Variants in ST3GAL2 observed in about 807,000 individuals in gnomAD.
ST3GAL2 encodes ST3 beta-galactoside alpha-2,3-sialyltransferase 2, also known as CMP-N-acetylneuraminate-beta-galactosamide-alpha-2,3-sialyltransferase 2.
A neutral mutation model predicts 37.5 loss-of-function variants in ST3GAL2; 16 were observed. The observed-to-expected ratio is 0.43, with a 90% confidence interval of 0.29 to 0.65. The LOEUF (loss-of-function observed/expected upper bound fraction) is 0.65. Ranked by LOEUF, ST3GAL2 falls within the 30% of genes least tolerant of loss-of-function variation. ST3GAL2 has a pLI of 0.17. For missense variants in ST3GAL2, 383 were observed against 487.8 expected (o/e 0.79, Z 2.02); for synonymous variants, 238 against 202.9 (o/e 1.17, Z -1.47).
At chr16:70,421,835 G>A (rs756546008) in intron 1 of ST3GAL2, among the ~76,000 whole-genome samples, 2 of 143,978 alleles carry the variant, frequency 1.4e-5, no homozygotes, top group South Asian at 2.1e-4. Context: ...ACCTGACTTC[G>A]CTTTCAGAGT....
At chr16:70,385,081 A>G (rs1450449340) in intron 4 of ST3GAL2, among the ~76,000 whole-genome samples, 1 of 152,088 alleles carries the variant, frequency 6.6e-6, no homozygotes, top group African/African-American at 2.4e-5. Flanking sequence ...TGAGGCGGGC[A>G]GATCACAAGG....
chr16:70,438,838 A>ACGGGCCGGTCTGGGC (rs1266637754), intron 1 of ST3GAL2, 111 bp downstream of exon 1: 1 of 152,060 alleles, frequency 6.6e-6, no homozygotes, highest in Non-Finnish European at 1.5e-5. Context: ...CCGGGCTGGA[A>ACGGGCCGGTCTGGGC]CGGGCCGGTC....
At chr16:70,412,977 G>T (rs988342256) in intron 1 of ST3GAL2, among the ~76,000 whole-genome samples, 1 of 152,204 alleles carries the variant, frequency 6.6e-6, no homozygotes, top group Admixed American at 6.5e-5. Context: ...GGCTGGGCAC[G>T]GTGGCACACA....
At chr16:70,385,765 G>C (rs1357672662) in intron 4 of ST3GAL2, among the ~76,000 whole-genome samples, 1 of 145,328 alleles carries the variant, frequency 6.9e-6, no homozygotes, top group African/African-American at 2.6e-5. Context: ...GTGCAGTGGC[G>C]CGATCTGAGC....
At chr16:70,394,858 G>T in intron 3 of ST3GAL2, 124 bp downstream of exon 3, 1 of 1,090,216 alleles carries the variant, frequency 9.2e-7, no homozygotes, top group Non-Finnish European at 1.3e-6. Flanking sequence ...AAAGACTCTG[G>T]GAGGCAGGGC....
At chr16:70,414,949 C>T (rs1424234394) in intron 1 of ST3GAL2, among the ~76,000 whole-genome samples, 5 of 152,152 alleles carry the variant, frequency 3.3e-5, no homozygotes, top group African/African-American at 1.2e-4. Flanking sequence ...TCTCGGCTCA[C>T]TGCAAGCTCC....
intron 1 of ST3GAL2, chr16:70,399,921 C>T (rs1029389579): frequency 1.3e-5 from 2 of 152,874 alleles, no homozygotes; most frequent in Admixed American, 1.3e-4. Context: ...ACAGCACTCT[C>T]TGGAGCCTGT....
chr16:70,432,162 T>TA (rs1358324184), intron 1 of ST3GAL2, among the ~76,000 whole-genome samples: 7 of 152,112 alleles, frequency 4.6e-5, no homozygotes, highest in Admixed American at 1.3e-4. Flanking sequence ...GCATGATTGG[T>TA]AAAATTTTTA....
Position 70,379,546 on chromosome 16 carries a change from A to C in ST3GAL2, c.*2143T>G, listed in dbSNP as rs937067993. 6 of 152,176 alleles carry C rather than the reference A, an allele frequency of 3.9e-5. No homozygotes were observed. Among genetic ancestry groups the C allele is most frequent in the African/African-American group, 1.4e-4 (6 of 41,412 alleles). The allele number at this position is 152,176 out of a possible 1,614,324, so 9.4% of individuals were successfully genotyped here. A position where few individuals can be genotyped will look rare whatever the true frequency, so the allele number is the denominator to read the frequency against. ...CCTTTTAATTCAGAAAGGGAAGGAA[A>C]TAAAAAAGTGTGTTTAAATTACTAT... is the stretch of plus-strand genomic sequence containing the variant. On this transcript the variant is annotated 3_prime_UTR_variant, in exon 7 of 7. Transcript: ENST00000342907.
At position 70,376,702 on chromosome 16, in the gene ST3GAL2, T is replaced by C. The variant is rs1472392569; in HGVS notation, c.*4987A>G. The C allele has an allele frequency of 6.6e-6, 1 of 152,138 alleles. No individual in the cohort carries two copies. Among genetic ancestry groups the C allele is most frequent in the Non-Finnish European group, 1.5e-5 (1 of 68,028 alleles). 9.4% of individuals were successfully genotyped at this position (152,138 alleles called of 1,614,324 possible). On this transcript the variant is annotated 3_prime_UTR_variant, in exon 7 of 7. Coordinates refer to ENST00000342907, the MANE Select transcript of ST3GAL2 (RefSeq NM_006927.4). ...TGATGCCTCTGACCTTGCCAGACAGTCACAGAAGGTACTTCCTTGTCTGCT... is the reference window on the plus strand; with the variant it reads ...TGATGCCTCTGACCTTGCCAGACAGCCACAGAAGGTACTTCCTTGTCTGCT...
Position 70,398,877 on chromosome 16 carries a change from T to G in ST3GAL2, c.-347A>C, listed in dbSNP as rs1352867307. On this transcript the variant is annotated 5_prime_UTR_variant, in exon 2 of 7. Coordinates refer to ENST00000342907, the MANE Select transcript of ST3GAL2 (RefSeq NM_006927.4). ...CCTCTAGTCCCTTGGGATTGCTGGCTGCCAGCTCTAGGGGTCCCCCTCTTT... is the reference window on the plus strand; with the variant it reads ...CCTCTAGTCCCTTGGGATTGCTGGCGGCCAGCTCTAGGGGTCCCCCTCTTT... The G allele has an allele frequency of 4.2e-6, 2 of 472,950 alleles. No homozygotes were observed. Among genetic ancestry groups the G allele is most frequent in the Non-Finnish European group, 7.4e-6 (2 of 269,968 alleles). The allele number at this position is 472,950 out of a possible 1,614,324, so 29.3% of individuals were successfully genotyped here. A position where few individuals can be genotyped will look rare whatever the true frequency, so the allele number is the denominator to read the frequency against.
intron 1 of ST3GAL2, among the ~76,000 whole-genome samples, chr16:70,406,960 G>A (rs569739545): frequency 6.6e-6 from 1 of 152,314 alleles, no homozygotes; most frequent in South Asian, 2.1e-4. Context: ...ATGGCATCGA[G>A]TGTCGTCCTG....
chr16:70,388,319 A>G (rs748758104), intron 4 of ST3GAL2, 48 bp downstream of exon 4: 1 of 1,611,874 alleles, frequency 6.2e-7, no homozygotes, highest in South Asian at 1.1e-5. Context: ...GACTCTGCCC[A>G]AGATGGTCCT....
At chr16:70,392,258 C>CT (rs1188885645) in intron 3 of ST3GAL2, among the ~76,000 whole-genome samples, 1 of 152,206 alleles carries the variant, frequency 6.6e-6, no homozygotes, top group African/African-American at 2.4e-5. Context: ...ACATGGCACT[C>CT]TAACAGGGAC....
chr16:70,386,560 G>C (rs1396256394), intron 4 of ST3GAL2, among the ~76,000 whole-genome samples: 2 of 151,382 alleles, frequency 1.3e-5, no homozygotes, highest in African/African-American at 4.9e-5. Context: ...GGATGGTCTT[G>C]ATCTCTTGAC....
chr16:70,382,051 C>CTTTT (rs11320527), intron 6 of ST3GAL2, among the ~76,000 whole-genome samples, 189 bp from the exon 7 acceptor site: 26 of 129,290 alleles, frequency 2.0e-4, no homozygotes, highest in African/African-American at 7.8e-4. Flanking sequence ...CAAATTCCTC[C>CTTTT]TTTTTTTTTT....
intron 1 of ST3GAL2, among the ~76,000 whole-genome samples, chr16:70,435,199 T>A (rs2047816784): frequency 6.6e-6 from 1 of 152,108 alleles, no homozygotes; most frequent in African/African-American, 2.4e-5. Flanking sequence ...CCCCAGTCAT[T>A]ACCAATCCTG....
intron 1 of ST3GAL2, among the ~76,000 whole-genome samples, chr16:70,405,864 T>G (rs1425658236): frequency 6.6e-6 from 1 of 150,954 alleles, no homozygotes; most frequent in Non-Finnish European, 1.5e-5. Context: ...ATCAAGACCA[T>G]CCTGGCTAAC....
chr16:70,411,182 C>T (rs551797255), intron 1 of ST3GAL2, among the ~76,000 whole-genome samples: 21 of 152,066 alleles, frequency 1.4e-4, no homozygotes, highest in African/African-American at 4.6e-4. Flanking sequence ...GTCAGGAGTT[C>T]GAGACCAGCC....
Sources: allele counts gnomAD v4.1 joint callset (sites outside exome capture counted in the v4.1 genomes callset), GRCh38; gene constraint gnomAD v4.1.1; transcripts MANE v1.5; gene names NCBI Gene and HGNC (gene_info 2026-07-23, HGNC 2026-07-21).